RPS24: variants seen among roughly 807,000 people sequenced by gnomAD.
RPS24 encodes small ribosomal subunit protein eS24.
For synonymous variants in RPS24, 72 were observed against 55.6 expected (o/e 1.30, Z -1.31); for missense variants, 100 against 162.5 (o/e 0.62, Z 2.09).
chr10:78,054,669 T>C, exon 5 of RPS24: 1 of 1,551,648 alleles, frequency 6.4e-7, no homozygotes, highest in Non-Finnish European at 8.7e-7. Context: ...GTGGAGCGTG[T>C]GGACATGTGG....
intron 4 of RPS24, chr10:78,038,446 C>A (rs1481472646): frequency 6.6e-6 from 1 of 152,390 alleles, no homozygotes; most frequent in African/African-American, 2.4e-5. Context: ...TGAAATCTGG[C>A]AAAGCCTCTG....
At chr10:78,035,771 T>C in intron 3 of RPS24, 51 bp downstream of exon 3, 11 of 1,448,886 alleles carry the variant, frequency 7.6e-6, no homozygotes, top group Non-Finnish European at 1.1e-5. Context: ...ATTTTTTCAA[T>C]AGCGTTGTGT....
intron 5 of RPS24, 157 bp downstream of exon 5, chr10:78,040,382 T>G: frequency 2.6e-6 from 2 of 763,646 alleles, no homozygotes; most frequent in Non-Finnish European, 4.4e-6. Flanking sequence ...AGTGACATGG[T>G]TTTGTTTTTA....
rs1317499604 is a variant in RPS24, at chr10:78,054,273, T to G, written c.391-258T>G. Among the ~76,000 whole-genome samples, 3 of 152,118 alleles carry G rather than the reference T, an allele frequency of 2.0e-5. No individual in the cohort carries two copies. In the East Asian group the frequency reaches 5.8e-4, roughly 29 times the overall value. On this transcript the variant is annotated intron_variant, in intron 4 of 4. Transcript: ENST00000440692. ...AGGGCTCTGTGGGGCAGAGGCAGAT[T>G]GGTGTGGGGGTTCTTGTCTACTCCA...
chr10:78,045,031 C>G (rs1295331695), downstream of RPS24, among the ~76,000 whole-genome samples: 1 of 152,012 alleles, frequency 6.6e-6, no homozygotes, highest in Non-Finnish European at 1.5e-5. Flanking sequence ...TCTTGTTGCC[C>G]CGGCTGGAGT....
chr10:78,052,127 G>A (rs1384424296), intron 4 of RPS24, among the ~76,000 whole-genome samples: 2 of 152,018 alleles, frequency 1.3e-5, no homozygotes, highest in East Asian at 1.9e-4. Flanking sequence ...CCAGGTTCAA[G>A]CAATTCTCGT....
At chr10:78,047,377 C>T (rs1397089826) in intron 4 of RPS24, among the ~76,000 whole-genome samples, 2 of 152,078 alleles carry the variant, frequency 1.3e-5, no homozygotes. Context: ...CTGTGGAGAC[C>T]CGGTAGGACA....
At chr10:78,038,131 A>G (rs1248194137) in intron 4 of RPS24, 3 of 354,634 alleles carry the variant, frequency 8.5e-6, no homozygotes, top group Non-Finnish European at 1.6e-5. Flanking sequence ...AAGTAATTGC[A>G]GTGGCAAAAA....
At chr10:78,042,171 A>C (rs868536618), downstream of RPS24, among the ~76,000 whole-genome samples, 19 of 152,330 alleles carry the variant, frequency 1.2e-4, no homozygotes, top group Non-Finnish European at 2.2e-4. Flanking sequence ...CCTGTTTGAT[A>C]ACAATTGGCA....
intron 4 of RPS24, among the ~76,000 whole-genome samples, chr10:78,052,309 C>T (rs1365025039): frequency 4.6e-5 from 7 of 152,118 alleles, no homozygotes; most frequent in Admixed American, 3.3e-4. Flanking sequence ...TACAGGTGAC[C>T]GCCACCACCC....
At chr10:78,037,774 C>T (rs1847904517) in intron 4 of RPS24, 2 of 376,884 alleles carry the variant, frequency 5.3e-6, no homozygotes, top group South Asian at 4.6e-5. Flanking sequence ...TTGGCCAAGA[C>T]AAGTGATTTT....
At chr10:78,046,983 G>GTT (rs1017380436) in intron 4 of RPS24, among the ~76,000 whole-genome samples, 1 of 146,004 alleles carries the variant, frequency 6.8e-6, no homozygotes, top group African/African-American at 2.5e-5. Flanking sequence ...CAGGTAACCT[G>GTT]TTTTTTTTTT....
intron 5 of RPS24, 119 bp from the exon 6 acceptor site, chr10:78,040,496 A>T: frequency 3.7e-6 from 3 of 820,134 alleles, no homozygotes; most frequent in South Asian, 2.8e-5. Context: ...ACATCAAAAT[A>T]ACTTGATATT....
Position 78,033,912 on chromosome 10 carries a change from T to G in RPS24, c.3+8T>G, listed in dbSNP as rs768010836. On this transcript the variant is annotated splice_region_variant and intron_variant, in intron 1 of 5. Transcript: ENST00000372360. ...AGATAGATCGCCATCATGGTGAGTC[T>G]CCCTGGGCCCGTGCAGTCATCTGCC... 6.2e-7 allele frequency: 1 copy of G among 1,614,036 alleles called. No individual in the cohort carries two copies. The highest frequency in any genetic ancestry group is 1.1e-5 in the South Asian group (1 of 91,086).
At chr10:78,045,525 A>C (rs952371429), downstream of RPS24, among the ~76,000 whole-genome samples, 1 of 151,684 alleles carries the variant, frequency 6.6e-6, no homozygotes, top group Non-Finnish European at 1.5e-5. Context: ...TTTGTCACCC[A>C]GGCTGGGGTG....
At chr10:78,049,500 C>T (rs1337827415) in intron 4 of RPS24, among the ~76,000 whole-genome samples, 1 of 152,188 alleles carries the variant, frequency 6.6e-6, no homozygotes, top group African/African-American at 2.4e-5. Flanking sequence ...CCTGGATGCC[C>T]AGGAGCCTTC....
downstream of RPS24, among the ~76,000 whole-genome samples, chr10:78,045,071 C>T (rs1848029270): frequency 6.6e-6 from 1 of 152,082 alleles, no homozygotes; most frequent in Non-Finnish European, 1.5e-5. Flanking sequence ...TCACTGCAAC[C>T]TCCGCCTCCT....
At chr10:78,039,943 T>A in intron 4 of RPS24, 2 of 552,008 alleles carry the variant, frequency 3.6e-6, no homozygotes, top group South Asian at 1.9e-5. Context: ...GGCTTAATGA[T>A]CTCTTCATTG....
At chr10:78,043,104 C>T (rs553153457), downstream of RPS24, among the ~76,000 whole-genome samples, 6 of 152,216 alleles carry the variant, frequency 3.9e-5, no homozygotes, top group South Asian at 4.2e-4. Context: ...CACGGGTTCA[C>T]GCCATTCTCC....
Sources: allele counts gnomAD v4.1 joint callset (sites outside exome capture counted in the v4.1 genomes callset), GRCh38; gene constraint gnomAD v4.1.1; transcripts MANE v1.5; gene names NCBI Gene and HGNC (gene_info 2026-07-23, HGNC 2026-07-21).